The following PANX1 variants were observed in gnomAD, a reference collection of about 807,000 sequenced individuals.
The protein encoded by PANX1 is pannexin 1, also known as pannexin-1.
A neutral mutation model predicts 38.7 loss-of-function variants in PANX1; 30 were observed. The ratio of observed to expected loss-of-function variants is 0.78; its 90% CI spans 0.58 to 1.05. The LOEUF is 1.05. PANX1 is among the 50% of genes least tolerant of loss of function. The pLI is 0.00. For synonymous variants in PANX1, 230 were observed against 212.2 expected, an observed-to-expected ratio of 1.08 and a Z score of -0.73; for missense variants, 551 against 517.2, an observed-to-expected ratio of 1.07 and a Z score of -0.63.
chr11:94,141,153 G>A (rs1313014687), intron 1 of PANX1, among the ~76,000 whole-genome samples: 3 of 152,146 alleles, frequency 2.0e-5, no homozygotes, highest in Non-Finnish European at 4.4e-5. Flanking sequence ...TTTGAGAACC[G>A]TTGTTCTAGT....
chr11:94,146,800 G>A (rs1395568798), intron 1 of PANX1, among the ~76,000 whole-genome samples: 1 of 152,244 alleles, frequency 6.6e-6, no homozygotes, highest in Non-Finnish European at 1.5e-5. Context: ...AATGCAATGT[G>A]TAGGGCAGGA....
chr11:94,175,790 G>A, intron 2 of PANX1: 1 of 984,756 alleles, frequency 1.0e-6, no homozygotes, highest in African/African-American at 1.8e-5. Context: ...ATCACAGCCT[G>A]CTTTGTGTGT....
At chr11:94,144,233 AT>A (rs899146132) in intron 1 of PANX1, among the ~76,000 whole-genome samples, 33 of 151,376 alleles carry the variant, frequency 2.2e-4, no homozygotes, top group Admixed American at 1.4e-3. Context: ...TCCCTCCCCC[AT>A]TTTTTTTCCA....
chr11:94,180,080 G>A lies in PANX1; in HGVS notation c.1024G>A (p.Val342Ile), dbSNP rs937807519. Reference protein sequence around the residue: ...NLFLEENISEVKSYKCLKVLE... With the variant: ...NLFLEENISEIKSYKCLKVLE... ...CTTCTTGGAGGAAAATATAAGTGAGGTCAAGTCATACAAGTGTCTTAAGGT... is the reference window on the plus strand; with the variant it reads ...CTTCTTGGAGGAAAATATAAGTGAGATCAAGTCATACAAGTGTCTTAAGGT... Residue 342 changes from valine to isoleucine, a missense_variant, in exon 4 of 5, where the codon GTC becomes ATC. Coordinates refer to ENST00000227638, the MANE Select transcript of PANX1 (RefSeq NM_015368.4). 7 of 1,613,766 alleles carry A rather than the reference G, an allele frequency of 4.3e-6. No individual in the cohort carries two copies. In the South Asian group the frequency reaches 7.7e-5, roughly 18 times the overall value.
chr11:94,165,229 T>G (rs1436764151), intron 2 of PANX1, among the ~76,000 whole-genome samples: 1 of 152,064 alleles, frequency 6.6e-6, no homozygotes, highest in Non-Finnish European at 1.5e-5. Flanking sequence ...GTTTTCTGGT[T>G]GTTTTGTTAG....
chr11:94,156,514 A>G (rs960827185), intron 2 of PANX1, among the ~76,000 whole-genome samples: 3 of 152,258 alleles, frequency 2.0e-5, no homozygotes, highest in African/African-American at 2.4e-5. Flanking sequence ...TTCCTTGAGA[A>G]TAAGGGGCGA....
chr11:94,156,915 C>G (rs1175415769), intron 2 of PANX1, among the ~76,000 whole-genome samples: 1 of 151,788 alleles, frequency 6.6e-6, no homozygotes, highest in East Asian at 1.9e-4. Flanking sequence ...TGTGATGTTC[C>G]CCTTCCTGTG....
chr11:94,168,250 G>A (rs983682575), intron 2 of PANX1, among the ~76,000 whole-genome samples: 7 of 152,252 alleles, frequency 4.6e-5, no homozygotes, highest in African/African-American at 9.6e-5. Flanking sequence ...TGGGGGAGGC[G>A]TGGCCTGTTG....
chr11:94,159,838 C>A lies in PANX1; in HGVS notation c.321+6208C>A, dbSNP rs189945643. On this transcript the variant is annotated intron_variant, in intron 2 of 4. Transcript: ENST00000227638. ...TGATGTTAGCGTGTCAATTTTAGATCTTTCCTGCTTTCTCTTGTGGGCATT... is the reference window on the plus strand; with the variant it reads ...TGATGTTAGCGTGTCAATTTTAGATATTTCCTGCTTTCTCTTGTGGGCATT... Among the ~76,000 whole-genome samples, 10 of 151,786 alleles carry A rather than the reference C, an allele frequency of 6.6e-5. No individual in the cohort carries two copies. In the East Asian group the frequency reaches 1.9e-3, roughly 29 times the overall value.
intron 1 of PANX1, among the ~76,000 whole-genome samples, chr11:94,138,561 G>A (rs989780680): frequency 6.6e-6 from 1 of 152,124 alleles, no homozygotes; most frequent in Non-Finnish European, 1.5e-5. Context: ...GGGTATGTGA[G>A]ATATTTTGAC....
chr11:94,162,117 C>T (rs970874861), intron 2 of PANX1, among the ~76,000 whole-genome samples: 1 of 152,160 alleles, frequency 6.6e-6, no homozygotes, highest in African/African-American at 2.4e-5. Context: ...TGTGAGGTGT[C>T]AGTCTGCCCC....
intron 2 of PANX1, among the ~76,000 whole-genome samples, chr11:94,158,554 G>T (rs1021223514): frequency 1.3e-5 from 2 of 151,948 alleles, no homozygotes; most frequent in African/African-American, 4.8e-5. Context: ...CTGTTTGTCT[G>T]TTATTGGTGT....
Position 94,180,873 on chromosome 11 carries a change from T to C in PANX1, c.*4T>C, listed in dbSNP as rs1184439407. The C allele has an allele frequency of 1.3e-6, 2 of 1,546,564 alleles. No homozygotes were observed. The highest frequency in any genetic ancestry group is 1.1e-5 in the South Asian group (1 of 89,672). ...ACTTCTGGATTCTTCTTGCTGATGA[T>C]TTTTTTCCTTGAGCTGTAAATCTGT... On this transcript the variant is annotated 3_prime_UTR_variant, in exon 5 of 5. Transcript: ENST00000227638.
At chr11:94,160,976 G>A (rs150017418) in intron 2 of PANX1, among the ~76,000 whole-genome samples, 1,993 of 152,114 alleles carry the variant, frequency 0.013, 16 homozygotes, top group Non-Finnish European at 0.017. Flanking sequence ...TTTCTCCTTC[G>A]CTTATGAAGC....
Position 94,179,689 on chromosome 11 carries a change from C to G in PANX1, c.633C>G (p.Ile211Met). 6.2e-7 allele frequency: 1 copy of G among 1,613,552 alleles called. No individual in the cohort carries two copies. Among genetic ancestry groups the G allele is most frequent in the Non-Finnish European group, 8.5e-7 (1 of 1,179,628 alleles). ...KTKKNSNNLI[I>M]KYISCRLLTL... is the part of the protein sequence containing the mutation. ...AGAAAAATTCTAATAATTTAATCATCAAGTACATTAGCTGCCGCCTGCTGA... is the reference window on the plus strand; with the variant it reads ...AGAAAAATTCTAATAATTTAATCATGAAGTACATTAGCTGCCGCCTGCTGA... The change falls in exon 4 of 5, where the codon ATC (isoleucine) becomes ATG (methionine). Residue 211 changes from isoleucine to methionine, a missense_variant. Physicochemically the swap from Ile to Met is conservative, Grantham distance 10. Transcript: ENST00000227638.
chr11:94,147,877 T>G (rs1946845755), intron 1 of PANX1, among the ~76,000 whole-genome samples: 1 of 152,208 alleles, frequency 6.6e-6, no homozygotes, highest in African/African-American at 2.4e-5. Flanking sequence ...CAGAGTTATT[T>G]GTTGATCTAT....
At chr11:94,157,842 C>G (rs1471982725) in intron 2 of PANX1, among the ~76,000 whole-genome samples, 1 of 152,076 alleles carries the variant, frequency 6.6e-6, no homozygotes, top group Non-Finnish European at 1.5e-5. Flanking sequence ...ATGGTATTGC[C>G]TAGGTTTTCT....
At chr11:94,179,068 CA>C (rs1947271288) in intron 3 of PANX1, among the ~76,000 whole-genome samples, 1 of 152,154 alleles carries the variant, frequency 6.6e-6, no homozygotes, top group African/African-American at 2.4e-5. Flanking sequence ...TAAGAGCCAT[CA>C]TTTTTTGAAT....
At chr11:94,149,688 C>T (rs11020658) in intron 1 of PANX1, among the ~76,000 whole-genome samples, 48,236 of 152,016 alleles carry the variant, frequency 0.32, 8,009 homozygotes, top group Admixed American at 0.4. Flanking sequence ...AAAATCTGTT[C>T]CCTAGAAATT....
Sources: allele counts gnomAD v4.1 joint callset (sites outside exome capture counted in the v4.1 genomes callset), GRCh38; gene constraint gnomAD v4.1.1; transcripts MANE v1.5; gene names NCBI Gene and HGNC (gene_info 2026-07-23, HGNC 2026-07-21).